The following GRID1 variants were observed in gnomAD, a reference collection of about 807,000 sequenced individuals.
GRID1 encodes glutamate receptor ionotropic, delta-1.
Under a neutral mutation model 98.0 loss-of-function variants are expected in GRID1, and 28 were observed. The observed-to-expected ratio is 0.29, with a 90% CI of 0.21 to 0.39. GRID1 has a LOEUF of 0.39. Ranked by LOEUF, GRID1 falls within the 10% of genes least tolerant of loss-of-function variation. The pLI is 1.00. For missense variants in GRID1, 1,111 were observed against 1,340.5 expected (o/e 0.83, Z 2.67); for synonymous variants, 553 against 538.5 (o/e 1.03, Z -0.37).
chr10:85,834,110 G>T (rs1365426683), intron 8 of GRID1, among the ~76,000 whole-genome samples: 1 of 152,180 alleles, frequency 6.6e-6, no homozygotes, highest in Admixed American at 6.5e-5. Context: ...AAATTTCGTG[G>T]AAGATGTAAA....
chr10:85,733,378 T>C (rs180825989), intron 8 of GRID1, among the ~76,000 whole-genome samples: 218 of 152,260 alleles, frequency 1.4e-3, no homozygotes, highest in African/African-American at 5.0e-3. Context: ...TGCCTCGAAT[T>C]CCAGGCTCTC....
Position 86,055,429 on chromosome 10 carries a change from G to A in GRID1, c.726+83390C>T, listed in dbSNP as rs185040419. Reference sequence around the variant, plus strand: ...TGAGAGATAGTTAACATTAGATGAGGTCATGAGGGTGGGGCCTTCATGATG... The same window carrying A: ...TGAGAGATAGTTAACATTAGATGAGATCATGAGGGTGGGGCCTTCATGATG... On this transcript the variant is annotated intron_variant, in intron 4 of 15. Transcript: ENST00000327946. Among the ~76,000 whole-genome samples, 376 of 152,220 alleles carry A rather than the reference G, an allele frequency of 2.5e-3. 1 individual carries two copies. Among genetic ancestry groups the A allele is most frequent in the African/African-American group, 8.1e-3 (338 of 41,536 alleles).
chr10:86,013,856 C>A (rs947672534), intron 4 of GRID1, among the ~76,000 whole-genome samples: 5 of 152,290 alleles, frequency 3.3e-5, no homozygotes, highest in Non-Finnish European at 7.4e-5. Flanking sequence ...TATGAACCTG[C>A]AAAACTTAGT....
chr10:85,842,627 C>A (rs1244384965), intron 8 of GRID1, among the ~76,000 whole-genome samples: 1 of 152,028 alleles, frequency 6.6e-6, no homozygotes, highest in East Asian at 1.9e-4. Flanking sequence ...AACAACATTA[C>A]ACTCATAAAT....
chr10:85,757,899 G>A (rs1227115037), intron 8 of GRID1, among the ~76,000 whole-genome samples: 1 of 152,218 alleles, frequency 6.6e-6, no homozygotes, highest in Non-Finnish European at 1.5e-5. Context: ...ACACTGGCAA[G>A]TATTCTAAGG....
chr10:86,353,181 C>T (rs1848485350), intron 2 of GRID1, among the ~76,000 whole-genome samples: 1 of 152,208 alleles, frequency 6.6e-6, no homozygotes, highest in Non-Finnish European at 1.5e-5. Flanking sequence ...CTCCAGAAGA[C>T]GTCACCGACA....
chr10:86,123,000 G>A (rs1449879576), intron 4 of GRID1, among the ~76,000 whole-genome samples: 1 of 152,258 alleles, frequency 6.6e-6, no homozygotes, highest in African/African-American at 2.4e-5. Context: ...AGGGACCCAA[G>A]CATCATTGCA....
chr10:86,348,083 C>T (rs1301097630), intron 2 of GRID1, among the ~76,000 whole-genome samples: 2 of 152,202 alleles, frequency 1.3e-5, no homozygotes, highest in South Asian at 2.1e-4. Context: ...GTCCAACAGC[C>T]GGTGTGCACT....
chr10:85,642,774 C>T (rs925602123), intron 13 of GRID1, among the ~76,000 whole-genome samples: 1 of 152,158 alleles, frequency 6.6e-6, no homozygotes. Context: ...TCTTTTGCTA[C>T]TGATTTTTTA....
chr10:86,189,789 C>T (rs986963076), intron 3 of GRID1, among the ~76,000 whole-genome samples: 5 of 152,116 alleles, frequency 3.3e-5, no homozygotes, highest in African/African-American at 1.2e-4. Context: ...CACAAATGTC[C>T]CCAGACGCTG....
At chr10:85,973,350 C>A (rs895105411) in intron 4 of GRID1, among the ~76,000 whole-genome samples, 1 of 151,978 alleles carries the variant, frequency 6.6e-6, no homozygotes, top group East Asian at 1.9e-4. Flanking sequence ...AATCATGTAG[C>A]CTACTTTTTG....
chr10:85,637,113 T>C (rs1190279849), intron 13 of GRID1, among the ~76,000 whole-genome samples: 1 of 152,218 alleles, frequency 6.6e-6, no homozygotes, highest in African/African-American at 2.4e-5. Context: ...TTTTATAAAG[T>C]TTTACCACAT....
chr10:86,282,192 T>G (rs865930378), intron 2 of GRID1, among the ~76,000 whole-genome samples: 1 of 152,198 alleles, frequency 6.6e-6, no homozygotes, highest in Non-Finnish European at 1.5e-5. Context: ...CTGCAAATCC[T>G]AGCATACAGC....
intron 4 of GRID1, among the ~76,000 whole-genome samples, chr10:85,993,277 G>A (rs1227323753): frequency 6.6e-6 from 1 of 152,162 alleles, no homozygotes; most frequent in Non-Finnish European, 1.5e-5. Flanking sequence ...GGCAGCTTTG[G>A]CCAAGGTAAG....
intron 2 of GRID1, among the ~76,000 whole-genome samples, chr10:86,332,613 A>T (rs1019627685): frequency 2.0e-5 from 3 of 152,028 alleles, no homozygotes; most frequent in African/African-American, 7.3e-5. Flanking sequence ...ACTGTGTCCC[A>T]GGCCCCTGCC....
intron 2 of GRID1, among the ~76,000 whole-genome samples, chr10:86,294,141 G>A (rs562004763): frequency 6.6e-6 from 1 of 152,272 alleles, no homozygotes; most frequent in African/African-American, 2.4e-5. Context: ...ACCAGAAAGT[G>A]AGGGTAGAGG....
At chr10:85,967,078 A>T (rs747904826) in intron 4 of GRID1, among the ~76,000 whole-genome samples, 6 of 152,220 alleles carry the variant, frequency 3.9e-5, no homozygotes, top group Admixed American at 6.5e-5. Flanking sequence ...GTTCCCCTGC[A>T]CAAGCTCTCT....
At chr10:86,122,827 G>C (rs1460228257) in intron 4 of GRID1, among the ~76,000 whole-genome samples, 1 of 152,212 alleles carries the variant, frequency 6.6e-6, no homozygotes, top group Non-Finnish European at 1.5e-5. Flanking sequence ...GGCCACCCCT[G>C]ACGTGTGAGC....
intron 4 of GRID1, among the ~76,000 whole-genome samples, chr10:86,062,324 C>A (rs1482836503): frequency 6.6e-6 from 1 of 152,018 alleles, no homozygotes; most frequent in Non-Finnish European, 1.5e-5. Context: ...GGTATGATGG[C>A]CCAGCTCCCT....
Sources: gnomAD v4.1 joint callset for allele counts (sites outside exome capture counted in the v4.1 genomes callset) on GRCh38, gnomAD v4.1.1 for gene constraint, MANE v1.5 for transcripts, NCBI Gene and HGNC (gene_info 2026-07-23, HGNC 2026-07-21) for gene names.